The following NCAM2 variants were observed in gnomAD, a reference collection of about 807,000 sequenced individuals.
NCAM2 encodes the protein neural cell adhesion molecule 2.
NCAM2 carries 30 observed loss-of-function variants against 98.1 expected under a neutral mutation model. That is an observed-to-expected ratio of 0.31 (90% confidence interval 0.23 to 0.41). The LOEUF (loss-of-function observed/expected upper bound fraction) is 0.41. Among genes scored for constraint, NCAM2 ranks in the 10% least tolerant of loss-of-function variants. The pLI is 1.00. For missense variants in NCAM2, 867 were observed against 1,005.8 expected (o/e 0.86, Z 1.87); for synonymous variants, 368 against 342.4 (o/e 1.07, Z -0.83).
At chr21:21,196,844 T>C (rs1474227104) in intron 1 of NCAM2, among the ~76,000 whole-genome samples, 2 of 152,202 alleles carry the variant, frequency 1.3e-5, no homozygotes, top group Non-Finnish European at 2.9e-5. Flanking sequence ...GATTGGATCA[T>C]GGGGGCCGTT....
intron 5 of NCAM2, 25 bp downstream of exon 5, chr21:21,292,266 G>A (rs191736031): frequency 1.3e-6 from 2 of 1,588,036 alleles, no homozygotes; most frequent in East Asian, 2.3e-5. Flanking sequence ...ATTTGTACAT[G>A]TTTTATGGAT....
chr21:21,366,079 GTAGA>G (rs1435900709), intron 8 of NCAM2, among the ~76,000 whole-genome samples: 3 of 152,022 alleles, frequency 2.0e-5, no homozygotes, highest in Non-Finnish European at 4.4e-5. Context: ...ATTTGTTCTG[GTAGA>G]TAGAGCAAGA....
At chr21:21,266,533 A>C (rs1240747757) in intron 1 of NCAM2, among the ~76,000 whole-genome samples, 1 of 152,174 alleles carries the variant, frequency 6.6e-6, no homozygotes, top group Admixed American at 6.6e-5. Flanking sequence ...ATGGAATACT[A>C]TGCAGCCATA....
intron 4 of NCAM2, 136 bp from the exon 5 acceptor site, chr21:21,291,968 C>G (rs1185241184): frequency 6.8e-6 from 5 of 737,118 alleles, no homozygotes; most frequent in Non-Finnish European, 1.0e-5. Context: ...ATTTTACTTT[C>G]AAATTTGAAT....
intron 16 of NCAM2, among the ~76,000 whole-genome samples, chr21:21,521,112 G>A (rs939906990): frequency 1.3e-5 from 2 of 152,112 alleles, no homozygotes; most frequent in African/African-American, 4.8e-5. Flanking sequence ...AACTGACCCG[G>A]AGAATGGAAA....
intron 5 of NCAM2, among the ~76,000 whole-genome samples, chr21:21,298,477 T>C (rs2073573684): frequency 6.6e-6 from 1 of 151,706 alleles, no homozygotes; most frequent in East Asian, 1.9e-4. Context: ...ATTTCAAGAA[T>C]AGGCAATCTG....
chr21:21,192,437 A>G (rs2068855419), intron 1 of NCAM2, among the ~76,000 whole-genome samples: 2 of 152,162 alleles, frequency 1.3e-5, no homozygotes, highest in Admixed American at 1.3e-4. Flanking sequence ...TCCACATATG[A>G]CATTAAAATA....
Position 21,499,106 on chromosome 21 carries a change from A to G in NCAM2, c.2078-9745A>G, listed in dbSNP as rs551658336. On this transcript the variant is annotated intron_variant, in intron 15 of 17. Coordinates refer to ENST00000400546, the MANE Select transcript of NCAM2 (RefSeq NM_004540.5). Reference sequence around the variant, plus strand: ...AATTTACTAGCTAAGAAGTGAAGAAATAAAAAAGGAATAATATTAAAATTT... The same window carrying G: ...AATTTACTAGCTAAGAAGTGAAGAAGTAAAAAAGGAATAATATTAAAATTT... Among the ~76,000 whole-genome samples, 3 of 152,356 alleles carry G rather than the reference A, an allele frequency of 2.0e-5. No homozygotes were observed. In the South Asian group the frequency reaches 6.2e-4, roughly 32 times the overall value.
At chr21:21,059,630 C>T (rs2065281451) in intron 1 of NCAM2, among the ~76,000 whole-genome samples, 1 of 152,054 alleles carries the variant, frequency 6.6e-6, no homozygotes, top group Non-Finnish European at 1.5e-5. Context: ...ATTTTATTGA[C>T]AAGTTAAAAA....
In NCAM2 at chr21:21,135,107, G is replaced by A. The variant is rs12053688; in HGVS notation, c.55+136489G>A. On this transcript the variant is annotated intron_variant, in intron 1 of 17. Transcript: ENST00000400546. Reference sequence around the variant, plus strand: ...AAAAAAAAAAAAAAATTAGCTGGGCGTGGTGCCGGGCACCTGTAGTCCCAG... The same window carrying A: ...AAAAAAAAAAAAAAATTAGCTGGGCATGGTGCCGGGCACCTGTAGTCCCAG... Among the ~76,000 whole-genome samples, 1,005 of 151,472 alleles carry A rather than the reference G, an allele frequency of 6.6e-3. 24 individuals are homozygous for A. In the East Asian group the frequency reaches 0.081, roughly 12 times the overall value.
At chr21:21,067,647 T>A (rs1384380023) in intron 1 of NCAM2, among the ~76,000 whole-genome samples, 2 of 152,216 alleles carry the variant, frequency 1.3e-5, no homozygotes, top group African/African-American at 2.4e-5. Context: ...TGTATAAATC[T>A]AACATAATCA....
chr21:21,170,336 G>A (rs945028419), intron 1 of NCAM2, among the ~76,000 whole-genome samples: 1 of 152,212 alleles, frequency 6.6e-6, no homozygotes, highest in Non-Finnish European at 1.5e-5. Flanking sequence ...AGGATGTCCT[G>A]TAGATTAATT....
intron 1 of NCAM2, among the ~76,000 whole-genome samples, chr21:21,032,029 T>C (rs1248830900): frequency 6.6e-6 from 1 of 152,212 alleles, no homozygotes; most frequent in African/African-American, 2.4e-5. Flanking sequence ...ATTGATTAGA[T>C]ATATTTTAAT....
chr21:21,125,494 G>GTAATATATATTTTACATATA (rs1338581385), intron 1 of NCAM2, among the ~76,000 whole-genome samples: 3 of 74,150 alleles, frequency 4.0e-5, no homozygotes, highest in Admixed American at 3.2e-4. Context: ...AGATATATAT[G>GTAATATATATTTTACATATA]TAATATGTAA....
intron 1 of NCAM2, among the ~76,000 whole-genome samples, chr21:21,038,261 T>G (rs1186857128): frequency 6.6e-6 from 1 of 152,256 alleles, no homozygotes; most frequent in Non-Finnish European, 1.5e-5. Flanking sequence ...GCTGAAATTT[T>G]GTATATAAAA....
chr21:21,319,427 G>A (rs931617313), intron 5 of NCAM2, among the ~76,000 whole-genome samples: 1 of 152,164 alleles, frequency 6.6e-6, no homozygotes. Context: ...TGGATCACGA[G>A]GTCAAGAGTT....
intron 1 of NCAM2, among the ~76,000 whole-genome samples, chr21:21,187,137 T>C (rs1214664131): frequency 6.6e-6 from 1 of 151,848 alleles, no homozygotes; most frequent in African/African-American, 2.4e-5. Context: ...GGCAGGAGAA[T>C]CCCTTGAACC....
intron 1 of NCAM2, among the ~76,000 whole-genome samples, chr21:21,243,037 TA>T (rs11362320): frequency 1 from 152,279 of 152,280 alleles, 76,139 homozygotes; most frequent in Non-Finnish European, 1. Flanking sequence ...TAAGGTTTCA[TA>T]AAATAATTAA....
At chr21:21,456,639 A>G (rs1982190425) in intron 12 of NCAM2, among the ~76,000 whole-genome samples, 1 of 152,188 alleles carries the variant, frequency 6.6e-6, no homozygotes, top group South Asian at 2.1e-4. Context: ...ACCTGAGCCC[A>G]TAAATCTACT....
Sources: gnomAD v4.1 joint callset for allele counts (sites outside exome capture counted in the v4.1 genomes callset) on GRCh38, gnomAD v4.1.1 for gene constraint, MANE v1.5 for transcripts, NCBI Gene and HGNC (gene_info 2026-07-23, HGNC 2026-07-21) for gene names.